Variants in XPO5 observed in about 807,000 individuals in gnomAD.
XPO5 encodes the protein exportin-5.
In XPO5, 46 loss-of-function variants were observed where a neutral mutation model predicts 160.6. The observed-to-expected ratio is 0.29, with a 90% confidence interval of 0.23 to 0.37. XPO5 has a LOEUF of 0.37. Among genes scored for constraint, XPO5 ranks in the 10% least tolerant of loss-of-function variants. The probability of loss-of-function intolerance (pLI) is 1.00; values close to 1 mark genes in which losing one functional copy is unlikely to be tolerated. For synonymous variants in XPO5, 537 were observed against 519.3 expected (o/e 1.03, Z -0.46); for missense variants, 1,090 against 1,463.9 (o/e 0.74, Z 4.17).
chr6:43,564,395 G>C (rs1762580591), intron 8 of XPO5, among the ~76,000 whole-genome samples: 1 of 152,052 alleles, frequency 6.6e-6, no homozygotes, highest in South Asian at 2.1e-4. Flanking sequence ...TGGCCATGGT[G>C]GTGCATGCCT....
At chr6:43,546,520 T>G in intron 20 of XPO5, 51 bp downstream of exon 20, 2 of 1,543,430 alleles carry the variant, frequency 1.3e-6, no homozygotes, top group Non-Finnish European at 1.7e-6. Flanking sequence ...ACTTTTGAAA[T>G]TTTTAAGGTA....
chr6:43,565,775 T>C (rs933433903), intron 7 of XPO5, 39 bp from the exon 8 acceptor site: 12 of 1,439,490 alleles, frequency 8.3e-6, no homozygotes, highest in Admixed American at 4.3e-5. Flanking sequence ...ATATAAACTA[T>C]ACTTCAAAGT....
chr6:43,535,301 T>C (rs1228695665), intron 20 of XPO5, among the ~76,000 whole-genome samples: 2 of 148,630 alleles, frequency 1.3e-5, no homozygotes, highest in Non-Finnish European at 3.0e-5. Context: ...AACAGAAGTG[T>C]TTCTATGGCT....
intron 13 of XPO5, 119 bp from the exon 14 acceptor site, chr6:43,553,622 G>A: frequency 6.9e-7 from 1 of 1,440,832 alleles, no homozygotes; most frequent in Non-Finnish European, 9.1e-7. Flanking sequence ...AGAATTTCAT[G>A]ATTGAAGGAG....
chr6:43,567,967 G>GT (rs796357128), intron 6 of XPO5, among the ~76,000 whole-genome samples: 2,798 of 135,358 alleles, frequency 0.021, 88 homozygotes, highest in African/African-American at 0.064. Flanking sequence ...GTCTGTTTTT[G>GT]TTTTTTTTTT....
chr6:43,534,932 T>C (rs1233000414), intron 20 of XPO5, among the ~76,000 whole-genome samples: 1 of 151,636 alleles, frequency 6.6e-6, no homozygotes, highest in Non-Finnish European at 1.5e-5. Context: ...GAGGCAGAGG[T>C]TGTGGTGAGC....
In XPO5 at chr6:43,551,917, T is replaced by C. The variant is rs553718766; in HGVS notation, c.1573-464A>G. 3.9e-4 allele frequency among the ~76,000 whole-genome samples: 60 copies of C among 152,312 alleles called. 1 individual carries two copies. The highest frequency in any genetic ancestry group is 1.4e-3 in the African/African-American group (57 of 41,578). ...CCTGGGTTCAAGCATTCCTCCCATCTTGGCCTCCCAAAGTGTTGGGATTAC... is the reference window on the plus strand; with the variant it reads ...CCTGGGTTCAAGCATTCCTCCCATCCTGGCCTCCCAAAGTGTTGGGATTAC... On this transcript the variant is annotated intron_variant, in intron 14 of 31. Coordinates refer to ENST00000265351, the MANE Select transcript of XPO5 (RefSeq NM_020750.3).
At chr6:43,570,207 G>A (rs1294646653) in intron 5 of XPO5, among the ~76,000 whole-genome samples, 1 of 149,434 alleles carries the variant, frequency 6.7e-6, no homozygotes, top group Non-Finnish European at 1.5e-5. Context: ...AGCTACTTGG[G>A]AGGTTGAGGC....
At position 43,549,507 on chromosome 6, in the gene XPO5, G is replaced by T; in HGVS notation, c.1842C>A (p.Asp614Glu). The change falls in exon 17 of 32, where the codon GAC becomes GAA. Residue 614 changes from aspartate to glutamate, a missense_variant. Asp to Glu is a conservative substitution (Grantham distance 45, BLOSUM62 2). This residue lies in a region of XPO5 where 810 missense variants were observed against 1,139.0 expected (regional missense o/e 0.71). Transcript: ENST00000265351. ...ACSSIIKMCRDYPQLVLPNFD... is the reference protein window; with the variant it reads ...ACSSIIKMCREYPQLVLPNFD... ...AGCTTACCAGCACAAGCTGGGGGTAGTCACGACACATCTTGATGATGGAGG... is the reference window on the plus strand; with the variant it reads ...AGCTTACCAGCACAAGCTGGGGGTATTCACGACACATCTTGATGATGGAGG... 3.1e-6 allele frequency: 5 copies of T among 1,612,660 alleles called. No individual in the cohort carries two copies. The highest frequency in any genetic ancestry group is 4.2e-6 in the Non-Finnish European group (5 of 1,179,536).
intron 5 of XPO5, among the ~76,000 whole-genome samples, chr6:43,569,310 A>C (rs3857582): frequency 0.37 from 53,284 of 144,380 alleles, 10,016 homozygotes; most frequent in East Asian, 0.65. Context: ...AAAAAACAAC[A>C]AAAAAAAATA....
At chr6:43,562,563 T>C in intron 8 of XPO5, 1 of 510,220 alleles carries the variant, frequency 2.0e-6, no homozygotes, top group East Asian at 3.6e-5. Context: ...CAAACAGCAA[T>C]TAATAACTAT....
In XPO5 at chr6:43,549,941, G is replaced by C. The variant is rs189287613; in HGVS notation, c.1729-7C>G. The stretch of plus-strand genomic sequence containing the variant: ...AAGTGACAGATGAAAATAGCTAAGG[G>C]AGAGGAGGAAAAAAGGTCACTCATG... On this transcript the variant is annotated splice_polypyrimidine_tract_variant and splice_region_variant and intron_variant, in intron 15 of 31. Coordinates refer to ENST00000265351, the MANE Select transcript of XPO5 (RefSeq NM_020750.3). 115 of 1,611,920 alleles carry C rather than the reference G, an allele frequency of 7.1e-5. No homozygotes were observed. The East Asian group carries it at 2.5e-3, about 36-fold the overall frequency.
At chr6:43,546,466 C>T in intron 20 of XPO5, 105 bp downstream of exon 20, 1 of 1,090,626 alleles carries the variant, frequency 9.2e-7, no homozygotes, top group South Asian at 2.5e-5. Context: ...TAAATCAATC[C>T]CTCATTAATA....
At chr6:43,573,821 A>ATT (rs1763136727) in intron 1 of XPO5, among the ~76,000 whole-genome samples, 1 of 122,718 alleles carries the variant, frequency 8.1e-6, no homozygotes, top group African/African-American at 3.5e-5. Flanking sequence ...ATATATATAT[A>ATT]TATTTTTTTT....
chr6:43,533,762 G>C (rs1042182859), intron 21 of XPO5, 145 bp downstream of exon 21: 10 of 464,306 alleles, frequency 2.2e-5, no homozygotes, highest in African/African-American at 6.0e-5. Context: ...TTGAGTCCAA[G>C]AGTTTGAGCC....
chr6:43,535,451 G>A lies in XPO5; in HGVS notation c.2343-1444C>T, dbSNP rs571445596. On this transcript the variant is annotated intron_variant, in intron 20 of 31. Transcript: ENST00000265351. ...CTAAAAATATAAAAATTAGCCAGGT[G>A]TGGTGGTGGGTGCCGGGCATGGTAG... Among the ~76,000 whole-genome samples the A allele has an allele frequency of 6.6e-5, 10 of 152,078 alleles. No homozygotes were observed. In the South Asian group the frequency reaches 1.7e-3, roughly 25 times the overall value.
chr6:43,558,616 T>G lies in XPO5; in HGVS notation c.1222-25A>C, dbSNP rs73733592. 10,353 of 1,544,808 alleles carry G rather than the reference T, an allele frequency of 6.7e-3. 619 individuals carry two copies. In the African/African-American group the frequency reaches 0.12, roughly 19 times the overall value. On this transcript the variant is annotated intron_variant, in intron 11 of 31. Transcript: ENST00000265351. The stretch of plus-strand genomic sequence containing the variant: ...TCTGGAAAAAGAAAGGTAATTGGGG[T>G]AGGGGATGAAAGTGGACCCACTGAA...
chr6:43,568,763 G>A (rs1433200896), intron 5 of XPO5, 26 bp from the exon 6 acceptor site: 1 of 1,557,898 alleles, frequency 6.4e-7, no homozygotes, highest in Admixed American at 1.9e-5. Context: ...AAGATCCAGT[G>A]TTTTTAATGA....
In XPO5 at chr6:43,559,292, G is replaced by A. The variant is rs535374746; in HGVS notation, c.1222-701C>T. 2.0e-4 allele frequency among the ~76,000 whole-genome samples: 30 copies of A among 151,986 alleles called. 1 individual carries two copies. In the South Asian group the frequency reaches 6.0e-3, roughly 31 times the overall value. ...AGCCTCGGTGACAGGGTGAGACTCC[G>A]TCTCAAAAAAAAACACAGAACACCA... On this transcript the variant is annotated intron_variant, in intron 11 of 31. Coordinates refer to ENST00000265351, the MANE Select transcript of XPO5 (RefSeq NM_020750.3).
Sources: gnomAD v4.1 joint callset for allele counts (sites outside exome capture counted in the v4.1 genomes callset) on GRCh38, gnomAD v4.1.1 for gene constraint, gnomAD v4.1.1 regional missense constraint, MANE v1.5 for transcripts, NCBI Gene and HGNC (gene_info 2026-07-23, HGNC 2026-07-21) for gene names.